The following TEX10 variants were observed in gnomAD, a reference collection of about 807,000 sequenced individuals.
The protein encoded by TEX10 is testis expressed 10.
TEX10 carries 24 observed loss-of-function variants against 104.4 expected under a neutral mutation model. That is an observed-to-expected ratio of 0.23 (90% confidence interval 0.17 to 0.32). The LOEUF (loss-of-function observed/expected upper bound fraction) is 0.32. Ranked by LOEUF, TEX10 falls within the 10% of genes least tolerant of loss-of-function variation. The pLI is 1.00. For missense variants in TEX10, 921 were observed against 1,083.9 expected (o/e 0.85, Z 2.11); for synonymous variants, 396 against 393.4 (o/e 1.01, Z -0.08).
chr9:100,309,102 A>T (rs7035619), intron 12 of TEX10, among the ~76,000 whole-genome samples: 69,121 of 152,074 alleles, frequency 0.45, 17,401 homozygotes, highest in East Asian at 0.89. Flanking sequence ...ATGCCAGGTA[A>T]TTAAATGTAT....
intron 9 of TEX10, 97 bp from the exon 10 acceptor site, chr9:100,321,868 C>G (rs911297366): frequency 3.5e-6 from 3 of 849,814 alleles, no homozygotes; most frequent in African/African-American, 1.7e-5. Flanking sequence ...TTACTGAAAA[C>G]AAGTTTGATT....
At position 100,346,934 on chromosome 9, in the gene TEX10, A is replaced by G. The variant is rs1005525217; in HGVS notation, c.653T>C (p.Leu218Pro). 5.6e-6 allele frequency: 9 copies of G among 1,614,212 alleles called. No individual in the cohort carries two copies. The highest frequency in any genetic ancestry group is 6.8e-6 in the Non-Finnish European group (8 of 1,180,034). ...WILSVNPNRR[L>P]TSQQWRLKVL... The stretch of plus-strand genomic sequence containing the variant: ...TTTCAGCCTCCATTGCTGAGAAGTG[A>G]GTCTCCGATTAGGATTTACAGAAAG... Residue 218 changes from leucine to proline, a missense_variant, in exon 3 of 15, where the codon CTC (leucine) becomes CCC (proline). Leu to Pro is a moderately conservative substitution (Grantham distance 98, BLOSUM62 -3). Around this residue, in one of 3 missense-constraint regions of TEX10, gnomAD observed 753 missense variants for 868.4 expected, o/e 0.87. Transcript: ENST00000374902.
chr9:100,311,374 TG>T (rs1373949839), intron 11 of TEX10, among the ~76,000 whole-genome samples: 1 of 152,200 alleles, frequency 6.6e-6, no homozygotes, highest in Non-Finnish European at 1.5e-5. Flanking sequence ...CACTGTAGCC[TG>T]GATGACAGAG....
At chr9:100,316,909 A>C (rs1021471483) in intron 11 of TEX10, among the ~76,000 whole-genome samples, 1 of 149,810 alleles carries the variant, frequency 6.7e-6, no homozygotes, top group Non-Finnish European at 1.5e-5. Flanking sequence ...AAAAAAAAAA[A>C]AAAAAAACCT....
chr9:100,321,260 T>C (rs1402139840), intron 10 of TEX10, among the ~76,000 whole-genome samples: 2 of 152,178 alleles, frequency 1.3e-5, no homozygotes, highest in African/African-American at 4.8e-5. Context: ...TGTCAAGTTC[T>C]TTTTGGATCC....
intron 11 of TEX10, among the ~76,000 whole-genome samples, chr9:100,312,790 A>C (rs2118841776): frequency 6.6e-6 from 1 of 152,300 alleles, no homozygotes; most frequent in African/African-American, 2.4e-5. Flanking sequence ...GAGAGATAAA[A>C]GCAAGCTGAA....
chr9:100,317,616 AAAC>A (rs1217445924), intron 11 of TEX10, among the ~76,000 whole-genome samples: 2 of 152,192 alleles, frequency 1.3e-5, no homozygotes, highest in African/African-American at 2.4e-5. Flanking sequence ...CAAGCAACAA[AAAC>A]AACAATAGAC....
chr9:100,303,522 C>T (rs1834065973), intron 14 of TEX10, 110 bp downstream of exon 14: 2 of 1,128,574 alleles, frequency 1.8e-6, no homozygotes, highest in African/African-American at 1.5e-5. Flanking sequence ...AATTCCTGGA[C>T]TCAATGTATG....
At chr9:100,351,174 T>C (rs572968745) in intron 1 of TEX10, among the ~76,000 whole-genome samples, 5 of 151,916 alleles carry the variant, frequency 3.3e-5, no homozygotes, top group South Asian at 2.1e-4. Flanking sequence ...TCAGAAAAGT[T>C]TGGAAGTCAC....
intron 4 of TEX10, 114 bp downstream of exon 4, chr9:100,345,958 G>C (rs1835289965): frequency 3.3e-5 from 39 of 1,183,514 alleles, no homozygotes; most frequent in Non-Finnish European, 4.1e-5. Flanking sequence ...TTAAACCCAG[G>C]GTACTTTTCA....
At chr9:100,333,323 T>C (rs1429533996) in intron 5 of TEX10, among the ~76,000 whole-genome samples, 1 of 152,126 alleles carries the variant, frequency 6.6e-6, no homozygotes, top group East Asian at 1.9e-4. Flanking sequence ...TAAAAATAAG[T>C]CAAGATAAAC....
At chr9:100,313,429 C>T (rs1007492008) in intron 11 of TEX10, among the ~76,000 whole-genome samples, 6 of 151,022 alleles carry the variant, frequency 4.0e-5, no homozygotes, top group African/African-American at 9.7e-5. Flanking sequence ...GCAGGAGAAT[C>T]GCTTGAACCC....
intron 13 of TEX10, chr9:100,307,023 T>A (rs185610647): frequency 6.6e-6 from 1 of 152,326 alleles, no homozygotes; most frequent in Admixed American, 6.5e-5. Flanking sequence ...TTATAAAGCC[T>A]TTTCTTGACC....
intron 2 of TEX10, among the ~76,000 whole-genome samples, chr9:100,348,784 G>A (rs1466120898): frequency 1.3e-5 from 2 of 152,062 alleles, no homozygotes; most frequent in Non-Finnish European, 2.9e-5. Flanking sequence ...GGTGACGCTC[G>A]CCTGCAGCCC....
chr9:100,319,834 AAT>A (rs1338478766), intron 11 of TEX10, among the ~76,000 whole-genome samples: 1 of 152,034 alleles, frequency 6.6e-6, no homozygotes, highest in African/African-American at 2.4e-5. Context: ...TAAAATAAAA[AAT>A]AAGACTTGTA....
At position 100,302,314 on chromosome 9, in the gene TEX10, A is replaced by G. The variant is rs202112876; in HGVS notation, c.2677-10T>C. ...TTCCACTCTTCAATGTCTGGAGAGA[A>G]AAACAAGAGTAATCTGAGAACTGCA... On this transcript the variant is annotated splice_polypyrimidine_tract_variant and intron_variant, in intron 14 of 14. Coordinates refer to ENST00000374902, the MANE Select transcript of TEX10 (RefSeq NM_017746.4). The G allele has an allele frequency of 1.9e-5, 31 of 1,590,760 alleles. No individual in the cohort carries two copies. In the East Asian group the frequency reaches 5.8e-4, roughly 30 times the overall value.
chr9:100,346,408 T>C lies in TEX10; in HGVS notation c.894-93A>G, dbSNP rs965350281. 5 of 1,361,494 alleles carry C rather than the reference T, an allele frequency of 3.7e-6. No homozygotes were observed. In the Admixed American group the frequency reaches 8.0e-5, roughly 22 times the overall value. The allele number at this position is 1,361,494 out of a possible 1,614,324, so 84.3% of individuals were successfully genotyped here. A position where few individuals can be genotyped will look rare whatever the true frequency, so the allele number is the denominator to read the frequency against. Reference sequence around the variant, plus strand: ...TCTTAAATATAAAGTACTAGTAAAATGAAGCACCATGAACTGATAATTACA... The same window carrying C: ...TCTTAAATATAAAGTACTAGTAAAACGAAGCACCATGAACTGATAATTACA... On this transcript the variant is annotated intron_variant, in intron 3 of 14. Coordinates refer to ENST00000374902, the MANE Select transcript of TEX10 (RefSeq NM_017746.4).
chr9:100,303,546 C>T, intron 14 of TEX10, 86 bp downstream of exon 14: 1 of 1,430,148 alleles, frequency 7.0e-7, no homozygotes, highest in African/African-American at 1.4e-5. Context: ...TCCCTTTCCT[C>T]CCTCAAAACA....
chr9:100,310,495 G>A (rs1834249922), intron 11 of TEX10, 116 bp from the exon 12 acceptor site: 3 of 932,512 alleles, frequency 3.2e-6, no homozygotes, highest in Middle Eastern at 2.4e-4. Flanking sequence ...CTGGAGTGCA[G>A]TGATGCAGTC....
Sources: gnomAD v4.1 joint callset for allele counts (sites outside exome capture counted in the v4.1 genomes callset) on GRCh38, gnomAD v4.1.1 for gene constraint, gnomAD v4.1.1 regional missense constraint, MANE v1.5 for transcripts, NCBI Gene and HGNC (gene_info 2026-07-23, HGNC 2026-07-21) for gene names.